The following EVC2 variants were observed in gnomAD, a reference collection of about 807,000 sequenced individuals.
EVC2 encodes EvC ciliary complex subunit 2.
In EVC2, 148 loss-of-function variants were observed where a neutral mutation model predicts 149.3. The ratio of observed to expected loss-of-function variants is 0.99; its 90% CI spans 0.87 to 1.14. The LOEUF (loss-of-function observed/expected upper bound fraction) is 1.14. Among genes scored for constraint, EVC2 ranks in the 50% most tolerant of loss-of-function variants. The pLI is 0.00. For synonymous variants in EVC2, 776 were observed against 649.9 expected, an observed-to-expected ratio of 1.19 and a Z score of -2.95; for missense variants, 1,854 against 1,627.3, an observed-to-expected ratio of 1.14 and a Z score of -2.40.
At chr4:5,597,706 A>G (rs1713571865) in intron 16 of EVC2, among the ~76,000 whole-genome samples, 1 of 145,660 alleles carries the variant, frequency 6.9e-6, no homozygotes, top group Non-Finnish European at 1.5e-5. Flanking sequence ...TACTGTTGGA[A>G]GTTCTGGCCA....
intron 4 of EVC2, among the ~76,000 whole-genome samples, chr4:5,690,144 C>G (rs1202416638): frequency 6.6e-6 from 1 of 152,236 alleles, no homozygotes. Context: ...TGTGCACACA[C>G]TTATAACTGC....
chr4:5,622,651 C>G lies in EVC2; in HGVS notation c.2387G>C (p.Arg796Thr), dbSNP rs1165216652. ...CTGGACACCCTCCTGGTCCCTGTCC[C>G]TCTCCTCCCCCTCCAGCTGCTCGGC... is the stretch of plus-strand genomic sequence containing the variant. Reference protein sequence around the residue: ...ARAEQLEGEERDRDQEGVQSV... With the variant: ...ARAEQLEGEETDRDQEGVQSV... The change falls in exon 14 of 22, where the codon AGG becomes ACG. Residue 796 changes from arginine to threonine, a missense_variant. Arg to Thr is a moderately conservative substitution (Grantham distance 71). Transcript: ENST00000344408. This position sits in a 1 kb window ranked among gnomAD's most constrained non-coding sequence, Gnocchi z 5.8. 1.2e-6 allele frequency: 2 copies of G among 1,614,070 alleles called. No individual in the cohort carries two copies. Among genetic ancestry groups the G allele is most frequent in the Admixed American group, 1.7e-5 (1 of 60,006 alleles).
downstream of EVC2, among the ~76,000 whole-genome samples, chr4:5,541,447 T>C (rs1490568679): frequency 1.3e-5 from 2 of 152,190 alleles, no homozygotes; most frequent in Non-Finnish European, 2.9e-5. Flanking sequence ...TGAAAGACGA[T>C]GTTTGAGCAG....
At chr4:5,587,632 G>C (rs893830273) in intron 16 of EVC2, among the ~76,000 whole-genome samples, 1 of 152,182 alleles carries the variant, frequency 6.6e-6, no homozygotes, top group East Asian at 1.9e-4. Context: ...AAGAAGGAAG[G>C]GGTTTATTTG....
intron 21 of EVC2, among the ~76,000 whole-genome samples, chr4:5,545,519 G>A (rs13149383): frequency 6.6e-6 from 1 of 152,190 alleles, no homozygotes; most frequent in Non-Finnish European, 1.5e-5. Context: ...GTTATCAGGA[G>A]GAAGCAGGAA....
At chr4:5,530,654 G>A in the EVC2 span, among the ~76,000 whole-genome samples, 2 of 152,124 alleles carry the variant, frequency 1.3e-5, no homozygotes, top group Admixed American at 6.5e-5. Context: ...CTACATGACT[G>A]CAAGTTTGTA....
At chr4:5,703,122 T>C (rs762192823) in intron 1 of EVC2, among the ~76,000 whole-genome samples, 2 of 152,222 alleles carry the variant, frequency 1.3e-5, no homozygotes, top group African/African-American at 2.4e-5. Context: ...AAAACCAATT[T>C]TACCATAGGC....
intron 9 of EVC2, among the ~76,000 whole-genome samples, chr4:5,643,981 CT>C (rs1244872964): frequency 6.6e-6 from 1 of 152,204 alleles, no homozygotes; most frequent in African/African-American, 2.4e-5. Flanking sequence ...CTCAAAATGT[CT>C]TTTTACAATT....
intron 6 of EVC2, among the ~76,000 whole-genome samples, chr4:5,683,101 C>T (rs989473284): frequency 6.6e-6 from 1 of 152,138 alleles, no homozygotes; most frequent in African/African-American, 2.4e-5. Context: ...GAGGCTTCAG[C>T]GAAAATCAAA....
intron 19 of EVC2, among the ~76,000 whole-genome samples, chr4:5,571,544 G>A (rs955021920): frequency 1.1e-4 from 16 of 152,138 alleles, no homozygotes; most frequent in African/African-American, 3.6e-4. Flanking sequence ...AGAGTGGCCA[G>A]TGGACAGCCT....
rs775488849 is a variant in EVC2 at position 5,615,381 on chromosome 4, A to G, written c.2829+41T>C. 1.1e-5 allele frequency: 17 copies of G among 1,613,900 alleles called. No individual in the cohort carries two copies. The East Asian group carries it at 3.8e-4, about 36-fold the overall frequency. ...TGTCAGCTATCAGAGCAGCCCCGCC[A>G]TGTGCAGAGAGAAACAGCTGGGTGA... On this transcript the variant is annotated intron_variant, in intron 16 of 21. Transcript: ENST00000344408.
At chr4:5,643,746 T>C (rs562108303) in intron 9 of EVC2, among the ~76,000 whole-genome samples, 9 of 152,170 alleles carry the variant, frequency 5.9e-5, no homozygotes, top group Non-Finnish European at 7.4e-5. Flanking sequence ...CATGGTGAAA[T>C]GCCATCTCCA....
chr4:5,545,722 G>T (rs533196209), intron 21 of EVC2, among the ~76,000 whole-genome samples: 2 of 152,226 alleles, frequency 1.3e-5, no homozygotes, highest in African/African-American at 4.8e-5. Context: ...GGTGGTCATG[G>T]GACTCAGTTC....
intron 9 of EVC2, among the ~76,000 whole-genome samples, chr4:5,661,016 T>G (rs1718843213): frequency 6.6e-6 from 1 of 152,230 alleles, no homozygotes; most frequent in African/African-American, 2.4e-5. Flanking sequence ...TTTCTAAATG[T>G]GACATAAACA....
At position 5,567,173 on chromosome 4, in the gene EVC2, C is replaced by G. The variant is rs903162692; in HGVS notation, c.3557+1271G>C. Reference sequence around the variant, plus strand: ...CTGACCCCCTAACATGCAGCCAGCCCTCTGACTGCGGTCCACAACCCACTT... The same window carrying G: ...CTGACCCCCTAACATGCAGCCAGCCGTCTGACTGCGGTCCACAACCCACTT... On this transcript the variant is annotated intron_variant, in intron 20 of 21. Transcript: ENST00000344408. The surrounding 1 kb of genome is among the most constrained non-coding windows in gnomAD (Gnocchi z 4.4). Among the ~76,000 whole-genome samples the G allele has an allele frequency of 6.6e-6, 1 of 152,018 alleles. No homozygotes were observed. The highest frequency in any genetic ancestry group is 2.4e-5 in the African/African-American group (1 of 41,392).
At chr4:5,592,630 G>C (rs1045670970) in intron 16 of EVC2, among the ~76,000 whole-genome samples, 7 of 152,198 alleles carry the variant, frequency 4.6e-5, no homozygotes, top group African/African-American at 1.4e-4. Flanking sequence ...TTCCCGATAA[G>C]AACTCAGGAG....
Position 5,601,258 on chromosome 4 carries a change from A to T in EVC2, c.2829+14164T>A, listed in dbSNP as rs116441504. On this transcript the variant is annotated intron_variant, in intron 16 of 21. Transcript: ENST00000344408. Reference sequence around the variant, plus strand: ...ATACCTGGGAAAGCCTGTAATGAACATGGAGGTAAGAGTGAACATGCAGGA... The same window carrying T: ...ATACCTGGGAAAGCCTGTAATGAACTTGGAGGTAAGAGTGAACATGCAGGA... Among the ~76,000 whole-genome samples the T allele has an allele frequency of 6.1e-3, 924 of 152,264 alleles. 10 individuals are homozygous for T. The highest frequency in any genetic ancestry group is 0.021 in the African/African-American group (888 of 41,540).
chr4:5,691,348 A>G lies in EVC2; in HGVS notation c.451-15T>C, dbSNP rs554022197. The G allele has an allele frequency of 1.9e-6, 3 of 1,593,650 alleles. No homozygotes were observed. The highest frequency in any genetic ancestry group is 2.2e-5 in the East Asian group (1 of 44,722). On this transcript the variant is annotated splice_polypyrimidine_tract_variant and intron_variant, in intron 3 of 21. Transcript: ENST00000344408. ...ATGTCCCCATACTACAATAAAATGT[A>G]AAAGTTATTAGAAAATGAGAAATAT...
chr4:5,596,775 C>G (rs184420213), intron 16 of EVC2, among the ~76,000 whole-genome samples: 382 of 151,272 alleles, frequency 2.5e-3, no homozygotes, highest in African/African-American at 8.1e-3. Flanking sequence ...ATCAATGAAT[C>G]CAAGGTTTTC....
Sources: allele counts gnomAD v4.1 joint callset (sites outside exome capture counted in the v4.1 genomes callset), GRCh38; gene constraint gnomAD v4.1.1; non-coding constraint Gnocchi (gnomAD v3.1); transcripts MANE v1.5; gene names NCBI Gene and HGNC (gene_info 2026-07-23, HGNC 2026-07-21).